Variants in SLC25A16 observed in about 807,000 individuals in gnomAD.
SLC25A16 encodes solute carrier family 25 member 16.
In SLC25A16, 39 loss-of-function variants were observed where a neutral mutation model predicts 41.5. The observed-to-expected ratio is 0.94, with a 90% CI of 0.73 to 1.23. The LOEUF is 1.23. Ranked by LOEUF, SLC25A16 falls within the 50% of genes most tolerant of loss-of-function variation. SLC25A16 has a pLI of 0.00. For synonymous variants in SLC25A16, 146 were observed against 147.8 expected (o/e 0.99, Z 0.09); for missense variants, 421 against 426.9 (o/e 0.99, Z 0.12).
Position 68,483,272 on chromosome 10 carries a change from C to A in SLC25A16, c.*160G>T, listed in dbSNP as rs2052506456. 1 of 557,190 alleles carries A rather than the reference C, an allele frequency of 1.8e-6. No homozygotes were observed. The highest frequency in any genetic ancestry group is 1.9e-5 in the African/African-American group (1 of 53,044). 34.5% of individuals were successfully genotyped at this position (557,190 alleles called of 1,614,324 possible). A position where few individuals can be genotyped will look rare whatever the true frequency, so the allele number is the denominator to read the frequency against. On this transcript the variant is annotated 3_prime_UTR_variant, in exon 9 of 9. Transcript: ENST00000609923. ...GCATCAAAAAGTATGGTAAGCAGTTCTGATTTGTGACTAAAGAAAAAATAA... is the reference window on the plus strand; with the variant it reads ...GCATCAAAAAGTATGGTAAGCAGTTATGATTTGTGACTAAAGAAAAAATAA...
At chr10:68,488,087 T>C (rs1181295917) in intron 7 of SLC25A16, among the ~76,000 whole-genome samples, 1 of 152,132 alleles carries the variant, frequency 6.6e-6, no homozygotes, top group Non-Finnish European at 1.5e-5. Flanking sequence ...CTTGACCTTG[T>C]GATCCACCCG....
chr10:68,490,328 C>T (rs1359669523), intron 6 of SLC25A16, among the ~76,000 whole-genome samples: 1 of 151,240 alleles, frequency 6.6e-6, no homozygotes, highest in Non-Finnish European at 1.5e-5. Flanking sequence ...TTTAAGATGA[C>T]TGGGAAAAGA....
chr10:68,526,733 A>G (rs530369190), intron 1 of SLC25A16, among the ~76,000 whole-genome samples: 8 of 152,330 alleles, frequency 5.3e-5, no homozygotes, highest in Non-Finnish European at 1.2e-4. Flanking sequence ...CACATCAATA[A>G]TAGGGCTTGT....
chr10:68,517,681 A>T (rs879772693), intron 1 of SLC25A16: 11 of 152,256 alleles, frequency 7.2e-5, no homozygotes, highest in African/African-American at 1.9e-4. Flanking sequence ...AAAATTTTTT[A>T]AAATCGGCTG....
At chr10:68,491,369 G>A (rs2052654560) in intron 6 of SLC25A16, among the ~76,000 whole-genome samples, 1 of 152,050 alleles carries the variant, frequency 6.6e-6, no homozygotes, top group Admixed American at 6.6e-5. Context: ...GGGATTACAG[G>A]CATGTGCGAC....
chr10:68,488,547 G>C lies in SLC25A16; in HGVS notation c.693C>G (p.Asp231Glu). 6.2e-7 allele frequency: 1 copy of C among 1,602,018 alleles called. No individual in the cohort carries two copies. The highest frequency in any genetic ancestry group is 8.5e-7 in the Non-Finnish European group (1 of 1,177,144). ...TTTTCAAAACTAAGACATTAGGATT[G>C]TCTGATGAAGGTCTGCCAAGAAGGG... ...APTLLGRPSS[D>E]NPNVLVLKTH... The change falls in exon 7 of 9, where the codon GAC becomes GAG. Residue 231 changes from aspartate to glutamate, a missense_variant. Transcript: ENST00000609923.
At chr10:68,500,731 G>A (rs1228568702) in intron 4 of SLC25A16, among the ~76,000 whole-genome samples, 2 of 150,758 alleles carry the variant, frequency 1.3e-5, no homozygotes, top group East Asian at 4.1e-4. Context: ...CGGAGTTTGA[G>A]ACCAGCCTGG....
chr10:68,501,790 G>T (rs765372527), intron 4 of SLC25A16, among the ~76,000 whole-genome samples: 2 of 152,016 alleles, frequency 1.3e-5, no homozygotes, highest in Non-Finnish European at 2.9e-5. Context: ...TTACGTGAGC[G>T]AATAATGTTG....
chr10:68,487,562 G>A (rs1237264724), intron 7 of SLC25A16, among the ~76,000 whole-genome samples: 1 of 152,096 alleles, frequency 6.6e-6, no homozygotes, highest in African/African-American at 2.4e-5. Flanking sequence ...TGACATTTTC[G>A]GTTGGATCAT....
chr10:68,493,308 A>T (rs2052692787), intron 5 of SLC25A16, 110 bp from the exon 6 acceptor site: 1 of 1,127,208 alleles, frequency 8.9e-7, no homozygotes, highest in East Asian at 2.4e-5. Flanking sequence ...ATCCACCCTG[A>T]AACACAAAGA....
chr10:68,493,235 T>C (rs2052691919), intron 5 of SLC25A16, 37 bp from the exon 6 acceptor site: 1 of 1,399,272 alleles, frequency 7.1e-7, no homozygotes, highest in South Asian at 1.2e-5. Context: ...GAGATTACAT[T>C]GTGCTCATTA....
chr10:68,502,364 G>C (rs974871866), intron 4 of SLC25A16, among the ~76,000 whole-genome samples: 3 of 151,952 alleles, frequency 2.0e-5, no homozygotes, highest in Non-Finnish European at 4.4e-5. Flanking sequence ...AAAAATCTTG[G>C]ATGATTTTTT....
chr10:68,516,665 T>G (rs943481344), intron 2 of SLC25A16, 86 bp downstream of exon 2: 3 of 916,678 alleles, frequency 3.3e-6, no homozygotes. Context: ...TACTTTACTT[T>G]TTACACCCCC....
At chr10:68,496,227 A>T (rs189045495) in intron 4 of SLC25A16, among the ~76,000 whole-genome samples, 1 of 152,304 alleles carries the variant, frequency 6.6e-6, no homozygotes, top group African/African-American at 2.4e-5. Context: ...ACAACGTGGG[A>T]ATTCAGCTTG....
intron 4 of SLC25A16, chr10:68,496,447 G>A: frequency 1.0e-6 from 1 of 979,618 alleles, no homozygotes; most frequent in Non-Finnish European, 1.2e-6. Context: ...GAATAGTGGT[G>A]GTAACAGCTT....
chr10:68,509,557 A>T, intron 2 of SLC25A16, among the ~76,000 whole-genome samples: 1 of 151,714 alleles, frequency 6.6e-6, no homozygotes, highest in Admixed American at 6.6e-5. Flanking sequence ...TCTACAAAAA[A>T]ACTTAAAAGT....
At chr10:68,509,124 G>A (rs1468389576) in intron 2 of SLC25A16, among the ~76,000 whole-genome samples, 1 of 152,056 alleles carries the variant, frequency 6.6e-6, no homozygotes, top group Non-Finnish European at 1.5e-5. Flanking sequence ...ATCACTTGAG[G>A]TCAGGAGTTC....
intron 1 of SLC25A16, among the ~76,000 whole-genome samples, chr10:68,520,764 A>ATTG (rs1209128871): frequency 6.8e-6 from 1 of 146,992 alleles, no homozygotes; most frequent in African/African-American, 2.5e-5. Flanking sequence ...GTGATTCACA[A>ATTG]TTGCACCATT....
In SLC25A16 at chr10:68,478,119, T is replaced by C. The variant is rs2052448522; in HGVS notation, c.*5313A>G. ...CATAGCTAAAAGAATAGGCTCTAGATTCAGACCGGCTGAATTTGAATCCTA... is the reference window on the plus strand; with the variant it reads ...CATAGCTAAAAGAATAGGCTCTAGACTCAGACCGGCTGAATTTGAATCCTA... On this transcript the variant is annotated 3_prime_UTR_variant, in exon 9 of 9. Coordinates refer to ENST00000609923, the MANE Select transcript of SLC25A16 (RefSeq NM_152707.4). The C allele has an allele frequency of 6.6e-6, 1 of 152,188 alleles. No individual in the cohort carries two copies. The highest frequency in any genetic ancestry group is 1.5e-5 in the Non-Finnish European group (1 of 68,042). The allele number at this position is 152,188 out of a possible 1,614,324, so 9.4% of individuals were successfully genotyped here.
Sources: allele counts gnomAD v4.1 joint callset (sites outside exome capture counted in the v4.1 genomes callset), GRCh38; gene constraint gnomAD v4.1.1; transcripts MANE v1.5; gene names NCBI Gene and HGNC (gene_info 2026-07-23, HGNC 2026-07-21).